The following ADAM23 variants were observed in gnomAD, a reference collection of about 807,000 sequenced individuals.
ADAM23 encodes ADAM metallopeptidase domain 23.
Under a neutral mutation model 120.1 loss-of-function variants are expected in ADAM23, and 33 were observed. The observed-to-expected ratio is 0.27, with a 90% CI of 0.21 to 0.37. The LOEUF (loss-of-function observed/expected upper bound fraction) is 0.37. Among genes scored for constraint, ADAM23 ranks in the 10% least tolerant of loss-of-function variants. ADAM23 has a pLI of 1.00. For missense variants in ADAM23, 862 were observed against 1,058.2 expected (o/e 0.81, Z 2.57); for synonymous variants, 367 against 375.2 (o/e 0.98, Z 0.25).
chr2:206,610,443 A>G (rs1043595207), intron 25 of ADAM23, among the ~76,000 whole-genome samples: 1 of 152,206 alleles, frequency 6.6e-6, no homozygotes, highest in Admixed American at 6.5e-5. Context: ...TGTATTTTTC[A>G]TATGTAACAT....
chr2:206,589,552 G>C (rs1407611467), intron 21 of ADAM23, 38 bp downstream of exon 21: 1 of 1,545,148 alleles, frequency 6.5e-7, no homozygotes, highest in East Asian at 2.3e-5. Context: ...CACTGGACTT[G>C]GAAGCCCTTC....
At chr2:206,539,551 A>G (rs1333649537) in intron 4 of ADAM23, among the ~76,000 whole-genome samples, 1 of 152,202 alleles carries the variant, frequency 6.6e-6, no homozygotes, top group Non-Finnish European at 1.5e-5. Flanking sequence ...TTCTGTCCCC[A>G]TATGGGTACA....
chr2:206,578,659 G>C (rs1276620964), intron 18 of ADAM23, among the ~76,000 whole-genome samples: 6 of 152,066 alleles, frequency 3.9e-5, no homozygotes, highest in Admixed American at 6.6e-5. Context: ...GTCATTTGGG[G>C]TGGTTCCATG....
In ADAM23 at chr2:206,608,635, A is replaced by G. The variant is rs186251732; in HGVS notation, c.2360-1275A>G. 1.5e-3 allele frequency among the ~76,000 whole-genome samples: 230 copies of G among 152,098 alleles called. 1 individual carries two copies. The highest frequency in any genetic ancestry group is 5.0e-3 in the African/African-American group (207 of 41,486). ...TTCGTTCTCTAGACGGTCAGTGGTTAGTCTTAAGAGCATGTCACAAGCCCA... is the reference window on the plus strand; with the variant it reads ...TTCGTTCTCTAGACGGTCAGTGGTTGGTCTTAAGAGCATGTCACAAGCCCA... On this transcript the variant is annotated intron_variant, in intron 24 of 25. Transcript: ENST00000264377.
chr2:206,454,285 AAGAG>A (rs374649084), intron 2 of ADAM23, among the ~76,000 whole-genome samples: 74 of 151,480 alleles, frequency 4.9e-4, no homozygotes, highest in Admixed American at 3.2e-3. Flanking sequence ...CATAGCAGGA[AAGAG>A]AGAGAGAGAG....
chr2:206,471,632 G>T lies in ADAM23; in HGVS notation c.433-9600G>T, dbSNP rs1223363873. Among the ~76,000 whole-genome samples the T allele has an allele frequency of 2.0e-5, 3 of 152,002 alleles. No homozygotes were observed. In the East Asian group the frequency reaches 5.8e-4, roughly 29 times the overall value. ...TTCTTTTATTTAAATTATTTAGTGG[G>T]TGTTCAATAATTCTGGCTAGAAAGA... On this transcript the variant is annotated intron_variant, in intron 2 of 25. Coordinates refer to ENST00000264377, the MANE Select transcript of ADAM23 (RefSeq NM_003812.4).
intron 22 of ADAM23, among the ~76,000 whole-genome samples, chr2:206,593,494 AAAGT>A (rs2105850098): frequency 6.6e-6 from 1 of 152,318 alleles, no homozygotes; most frequent in African/African-American, 2.4e-5. Context: ...GGATTATCCA[AAAGT>A]AATTTTAGTA....
At chr2:206,570,016 A>T (rs912401622) in intron 15 of ADAM23, among the ~76,000 whole-genome samples, 1 of 152,154 alleles carries the variant, frequency 6.6e-6, no homozygotes, top group African/African-American at 2.4e-5. Context: ...TGCCCCTGGA[A>T]TGGGAAGCAG....
chr2:206,525,352 C>T (rs954686158), intron 3 of ADAM23, among the ~76,000 whole-genome samples: 37 of 150,702 alleles, frequency 2.5e-4, no homozygotes, highest in Admixed American at 4.6e-4. Context: ...CTAGAAAGGA[C>T]TTCCAGAGAC....
At chr2:206,510,256 A>G (rs1247680534) in intron 3 of ADAM23, among the ~76,000 whole-genome samples, 1 of 152,242 alleles carries the variant, frequency 6.6e-6, no homozygotes, top group Non-Finnish European at 1.5e-5. Flanking sequence ...AAATGAAATG[A>G]AAGGAATTGG....
chr2:206,503,275 A>G lies in ADAM23; in HGVS notation c.509+21967A>G, dbSNP rs536440977. On this transcript the variant is annotated intron_variant, in intron 3 of 25. Transcript: ENST00000264377. The stretch of plus-strand genomic sequence containing the variant: ...ACTAAATGACTTTTTTTCCCTAGGC[A>G]TAGTTACTCTCTGTATGTTGGGTTT... 3.3e-5 allele frequency among the ~76,000 whole-genome samples: 5 copies of G among 152,178 alleles called. No individual in the cohort carries two copies. In the East Asian group the frequency reaches 7.7e-4, roughly 24 times the overall value.
intron 3 of ADAM23, among the ~76,000 whole-genome samples, chr2:206,508,205 A>G (rs1696537671): frequency 6.6e-6 from 1 of 151,910 alleles, no homozygotes; most frequent in African/African-American, 2.4e-5. Flanking sequence ...AATTTTTTGT[A>G]TTTTTAGTAG....
At chr2:206,570,700 A>G (rs1325898792) in intron 15 of ADAM23, 40 bp from the exon 16 acceptor site, 1 of 1,543,638 alleles carries the variant, frequency 6.5e-7, no homozygotes, top group Non-Finnish European at 9.0e-7. Context: ...TTTCTGTGAT[A>G]AATTGAAACA....
At chr2:206,527,357 A>G (rs887316821) in intron 3 of ADAM23, among the ~76,000 whole-genome samples, 42 of 152,338 alleles carry the variant, frequency 2.8e-4, no homozygotes, top group African/African-American at 8.2e-4. Context: ...ATGTGGAGAC[A>G]TAGATTACCG....
intron 2 of ADAM23, among the ~76,000 whole-genome samples, chr2:206,466,045 A>G (rs2105864083): frequency 6.6e-6 from 1 of 152,312 alleles, no homozygotes; most frequent in Admixed American, 6.5e-5. Context: ...AAAATTCCTA[A>G]AATGAGATAT....
intron 3 of ADAM23, among the ~76,000 whole-genome samples, chr2:206,518,754 G>A (rs192634205): frequency 6.6e-6 from 1 of 152,100 alleles, no homozygotes; most frequent in Non-Finnish European, 1.5e-5. Flanking sequence ...TTTTGTTGAG[G>A]TACATAGAAA....
chr2:206,505,150 CT>C (rs1162211748), intron 3 of ADAM23, among the ~76,000 whole-genome samples: 4 of 152,130 alleles, frequency 2.6e-5, no homozygotes, highest in African/African-American at 7.2e-5. Flanking sequence ...CAAACTAAAG[CT>C]TCTAAAATGG....
At chr2:206,563,793 G>A (rs980520688) in intron 13 of ADAM23, among the ~76,000 whole-genome samples, 1 of 150,130 alleles carries the variant, frequency 6.7e-6, no homozygotes, top group Non-Finnish European at 1.5e-5. Flanking sequence ...GCAGTGGCAC[G>A]ATCTCGGCTC....
At chr2:206,478,706 A>G (rs1695834648) in intron 2 of ADAM23, among the ~76,000 whole-genome samples, 1 of 152,134 alleles carries the variant, frequency 6.6e-6, no homozygotes, top group African/African-American at 2.4e-5. Context: ...ATTGTTTGAC[A>G]TTTCATCTGA....
Sources: gnomAD v4.1 joint callset for allele counts (sites outside exome capture counted in the v4.1 genomes callset) on GRCh38, gnomAD v4.1.1 for gene constraint, MANE v1.5 for transcripts, NCBI Gene and HGNC (gene_info 2026-07-23, HGNC 2026-07-21) for gene names.